Variants in TMEM201 observed in about 807,000 individuals in gnomAD.
TMEM201 encodes the protein transmembrane protein 201, also known as RP13-15M17.2.
A neutral mutation model predicts 63.4 loss-of-function variants in TMEM201; 26 were observed. That is an observed-to-expected ratio of 0.41 (90% CI 0.30 to 0.57). The LOEUF (loss-of-function observed/expected upper bound fraction) is 0.57, where lower values mean the gene tolerates loss of function less well. Ranked by LOEUF, TMEM201 falls within the 20% of genes least tolerant of loss-of-function variation. The pLI, the probability that TMEM201 is intolerant of heterozygous loss-of-function variation, is 0.29. For missense variants in TMEM201, 794 were observed against 917.7 expected, an observed-to-expected ratio of 0.87 and a Z score of 1.74; for synonymous variants, 417 against 421.6, an observed-to-expected ratio of 0.99 and a Z score of 0.14.
chr1:9,610,799 G>GCCCTGGGTA lies in TMEM201; in HGVS notation c.1761_1765+4dup. The stretch of plus-strand genomic sequence containing the variant: ...GCCGCCCCTGCAGGACGTGAAGCAC[G>GCCCTGGGTA]CCCTGGGTACGGCCTTCTGACCACC... On this transcript the variant is annotated inframe_insertion, in exon 9 of 11. Coordinates refer to ENST00000340381, the MANE Select transcript of TMEM201 (RefSeq NM_001130924.3). The surrounding 1 kb of genome is among the most constrained non-coding windows in gnomAD (Gnocchi z 4.9). 6.5e-7 allele frequency: 1 copy of GCCCTGGGTA among 1,540,270 alleles called. No individual in the cohort carries two copies. The highest frequency in any genetic ancestry group is 8.8e-7 in the Non-Finnish European group (1 of 1,139,904).
At chr1:9,599,545 G>A (rs907117320) in intron 4 of TMEM201, among the ~76,000 whole-genome samples, 1 of 152,154 alleles carries the variant, frequency 6.6e-6, no homozygotes, top group East Asian at 1.9e-4. Context: ...CTGAGCCACC[G>A]CACCCGGCCT....
chr1:9,602,892 A>G lies in TMEM201; in HGVS notation c.1160+620A>G, dbSNP rs530076041. On this transcript the variant is annotated intron_variant, in intron 6 of 10. Coordinates refer to ENST00000340381, the MANE Select transcript of TMEM201 (RefSeq NM_001130924.3). ...GGAGCCGTGAAGGAGGCCGAGCTGC[A>G]GCTCTGGCTGCTGCTTGGCCTCCTG... 19 of 985,572 alleles carry G rather than the reference A, an allele frequency of 1.9e-5. No homozygotes were observed. The Admixed American group carries it at 4.3e-4, about 22-fold the overall frequency. The allele number at this position is 985,572 out of a possible 1,614,324, so 61.1% of individuals were successfully genotyped here. A position where few individuals can be genotyped will look rare whatever the true frequency, so the allele number is the denominator to read the frequency against.
At chr1:9,598,107 T>G (rs1203346798) in intron 3 of TMEM201, among the ~76,000 whole-genome samples, 4 of 152,160 alleles carry the variant, frequency 2.6e-5, no homozygotes, top group African/African-American at 9.7e-5. Flanking sequence ...CGCAGCCACC[T>G]TCCCCCATGT....
rs200379760 is a variant in TMEM201, at chr1:9,610,939, C to CAGGCG, written c.1765+134_1765+135insAGGCG. The CAGGCG allele has an allele frequency of 2.3e-3, 3,459 of 1,501,746 alleles. 73 individuals are homozygous for CAGGCG. In the African/African-American group the frequency reaches 0.041, roughly 18 times the overall value. 93.0% of individuals were successfully genotyped at this position (1,501,746 alleles called of 1,614,324 possible). A position where few individuals can be genotyped will look rare whatever the true frequency, so the allele number is the denominator to read the frequency against. ...CTTCCCACCCTGGAGCTCTAGGCAC[C>CAGGCG]CCATTCCGGCTCTGGTGACTTGAAC... On this transcript the variant is annotated intron_variant, in intron 9 of 10. Coordinates refer to ENST00000340381, the MANE Select transcript of TMEM201 (RefSeq NM_001130924.3). This position sits in a 1 kb window ranked among gnomAD's most constrained non-coding sequence, Gnocchi z 4.9.
intron 1 of TMEM201, among the ~76,000 whole-genome samples, chr1:9,592,724 G>A (rs977726862): frequency 4.6e-5 from 7 of 152,352 alleles, no homozygotes; most frequent in African/African-American, 1.7e-4. Flanking sequence ...TTGGGCTTGT[G>A]GACGGGGCAG....
At position 9,598,470 on chromosome 1, in the gene TMEM201, G is replaced by A. The variant is rs1458626626; in HGVS notation, c.451G>A (p.Glu151Lys). ...ACAGGGCAGGTATGACGAGGAGGTC[G>A]AGGTGTACCGGCATCACCTGGAGCA... is the stretch of plus-strand genomic sequence containing the variant. The part of the protein sequence containing the change: ...REEGRYDEEV[E>K]VYRHHLEQMY... The change falls in exon 4 of 11, where the codon GAG (glutamate) becomes AAG (lysine). Residue 151 changes from glutamate to lysine, a missense_variant. Glu to Lys is a moderately conservative substitution (Grantham distance 56, BLOSUM62 1). Coordinates refer to ENST00000340381, the MANE Select transcript of TMEM201 (RefSeq NM_001130924.3). 9.3e-6 allele frequency: 15 copies of A among 1,613,434 alleles called. No homozygotes were observed. The highest frequency in any genetic ancestry group is 1.7e-5 in the Admixed American group (1 of 59,994).
At chr1:9,595,607 G>A (rs12137736) in intron 1 of TMEM201, among the ~76,000 whole-genome samples, 7,818 of 152,178 alleles carry the variant, frequency 0.051, 297 homozygotes, top group African/African-American at 0.097. Context: ...ATCTGCTGAG[G>A]CTCCAGCTGG....
chr1:9,610,778 C>A lies in TMEM201; in HGVS notation c.1738C>A (p.Pro580Thr), dbSNP rs1415553590. 4.5e-6 allele frequency: 7 copies of A among 1,545,498 alleles called. No homozygotes were observed. The highest frequency in any genetic ancestry group is 6.1e-6 in the Non-Finnish European group (7 of 1,143,222). The stretch of plus-strand genomic sequence containing the variant: ...GCCGCCCCATGTTCCCCGGAAGCCG[C>A]CCCTGCAGGACGTGAAGCACGCCCT... The part of the protein sequence containing the change: ...MEPPHVPRKP[P>T]LQDVKHALDL... Residue 580 changes from proline to threonine, a missense_variant, in exon 9 of 11, where the codon CCC (proline) becomes ACC (threonine). Transcript: ENST00000340381. The surrounding 1 kb of genome is among the most constrained non-coding windows in gnomAD (Gnocchi z 4.9).
rs1644364418 is a variant in TMEM201 at position 9,614,488 on chromosome 1, C to G, written c.*1405C>G. 1 of 152,174 alleles carries G rather than the reference C, an allele frequency of 6.6e-6. No homozygotes were observed. Among genetic ancestry groups the G allele is most frequent in the Admixed American group, 6.6e-5 (1 of 15,260 alleles). 9.4% of individuals were successfully genotyped at this position (152,174 alleles called of 1,614,324 possible). The stretch of plus-strand genomic sequence containing the variant: ...CTGTGGATGCCGCCTCCTGCCCTGC[C>G]TACCCCTGAAACGTGGGGAATGGGG... On this transcript the variant is annotated 3_prime_UTR_variant, in exon 11 of 11. Transcript: ENST00000340381.
In TMEM201 at chr1:9,604,397, G is replaced by T. The variant is rs1644205363; in HGVS notation, c.1160+2125G>T. Reference sequence around the variant, plus strand: ...ATTCCTGCCTTTCGTAGAGTTTTGTGTGACTTTTTAAATTATTCATGTGTC... The same window carrying T: ...ATTCCTGCCTTTCGTAGAGTTTTGTTTGACTTTTTAAATTATTCATGTGTC... On this transcript the variant is annotated intron_variant, in intron 6 of 10. Transcript: ENST00000340381. The surrounding 1 kb of genome is among the most constrained non-coding windows in gnomAD (Gnocchi z 4.1). 1.0e-6 allele frequency: 1 copy of T among 985,418 alleles called. No homozygotes were observed. Among genetic ancestry groups the T allele is most frequent in the African/African-American group, 1.7e-5 (1 of 57,350 alleles). 61.0% of individuals were successfully genotyped at this position (985,418 alleles called of 1,614,324 possible). A position where few individuals can be genotyped will look rare whatever the true frequency, so the allele number is the denominator to read the frequency against.
chr1:9,595,985 G>A lies in TMEM201; in HGVS notation c.209G>A (p.Cys70Tyr). ...GNRNCWDCPH[C>Y]EQYNGFQENG... ...CGCAACTGCTGGGACTGTCCCCACT[G>A]CGAGCAGTACAACGGCTTCCAGGAG... The change falls in exon 2 of 11, where the codon TGC (cysteine) becomes TAC (tyrosine). Residue 70 changes from cysteine to tyrosine, a missense_variant. Physicochemically the swap from Cys to Tyr is radical, Grantham distance 194. Transcript: ENST00000340381. 6.2e-7 allele frequency: 1 copy of A among 1,613,268 alleles called. No individual in the cohort carries two copies.
chr1:9,608,459 G>A lies in TMEM201; in HGVS notation c.1393+670G>A, dbSNP rs1046384333. 3.3e-5 allele frequency among the ~76,000 whole-genome samples: 5 copies of A among 152,168 alleles called. No individual in the cohort carries two copies. The highest frequency in any genetic ancestry group is 6.5e-5 in the Admixed American group (1 of 15,286). On this transcript the variant is annotated intron_variant, in intron 7 of 10. Coordinates refer to ENST00000340381, the MANE Select transcript of TMEM201 (RefSeq NM_001130924.3). This position sits in a 1 kb window ranked among gnomAD's most constrained non-coding sequence, Gnocchi z 4.3. ...TAACAGCCAAGGCCCCTCTCCTCTC[G>A]TGCAGTTACAGGGCAGGCCATTTTG...
rs1418329358 is a variant in TMEM201 at position 9,610,712 on chromosome 1, G to A, written c.1672G>A (p.Asp558Asn). Residue 558 changes from aspartate (D) to asparagine (N), a missense_variant, in exon 9 of 11, where the codon GAT becomes AAT. Coordinates refer to ENST00000340381, the MANE Select transcript of TMEM201 (RefSeq NM_001130924.3). The surrounding 1 kb of genome is among the most constrained non-coding windows in gnomAD (Gnocchi z 4.9). The stretch of plus-strand genomic sequence containing the variant: ...GGCCCCCACCACGCCCAGCAGCTCC[G>A]ATGAGCACTCGCCTCACAACGGCAG... ...GEAPTTPSSS[D>N]EHSPHNGSLF... The A allele has an allele frequency of 9.7e-6, 15 of 1,550,374 alleles. No homozygotes were observed. The highest frequency in any genetic ancestry group is 4.9e-5 in the East Asian group (2 of 40,936).
Position 9,611,060 on chromosome 1 carries a change from T to TCAC in TMEM201, c.1765+256_1765+258dup. 3 of 1,517,992 alleles carry TCAC rather than the reference T, an allele frequency of 2.0e-6. No individual in the cohort carries two copies. In the East Asian group the frequency reaches 7.6e-5, roughly 38 times the overall value. The allele number at this position is 1,517,992 out of a possible 1,614,324, so 94.0% of individuals were successfully genotyped here. ...TTTCTTGGAACTGATCGAAAACACATCACGCATTGCCAGGTGCGTGTGGCC... is the reference window on the plus strand; with the variant it reads ...TTTCTTGGAACTGATCGAAAACACATCACCACGCATTGCCAGGTGCGTGTGGCC... On this transcript the variant is annotated intron_variant, in intron 9 of 10. Coordinates refer to ENST00000340381, the MANE Select transcript of TMEM201 (RefSeq NM_001130924.3).
In TMEM201 at chr1:9,601,276, C is replaced by T. The variant is rs1644135410; in HGVS notation, c.778C>T (p.Pro260Ser). 1 of 1,610,788 alleles carries T rather than the reference C, an allele frequency of 6.2e-7. No homozygotes were observed. The highest frequency in any genetic ancestry group is 8.5e-7 in the Non-Finnish European group (1 of 1,179,838). ...ACCTGGTGGCAATGGCTCAGCCACACCTGACAATGGCACCACCCCTGGGGC... is the reference window on the plus strand; with the variant it reads ...ACCTGGTGGCAATGGCTCAGCCACATCTGACAATGGCACCACCCCTGGGGC... ...LPPGGNGSAT[P>S]DNGTTPGAEG... The change falls in exon 5 of 11, where the codon CCT becomes TCT. Residue 260 changes from proline to serine, a missense_variant. By Grantham distance (74) the Pro-to-Ser change is moderately conservative. Coordinates refer to ENST00000340381, the MANE Select transcript of TMEM201 (RefSeq NM_001130924.3).
rs984749654 is a variant in TMEM201, at chr1:9,604,932, T to C, written c.1161-2625T>C. 2.0e-6 allele frequency: 2 copies of C among 985,832 alleles called. No homozygotes were observed. The highest frequency in any genetic ancestry group is 1.2e-6 in the Non-Finnish European group (1 of 829,984). 61.1% of individuals were successfully genotyped at this position (985,832 alleles called of 1,614,324 possible). A position where few individuals can be genotyped will look rare whatever the true frequency, so the allele number is the denominator to read the frequency against. On this transcript the variant is annotated intron_variant, in intron 6 of 10. Transcript: ENST00000340381. This position sits in a 1 kb window ranked among gnomAD's most constrained non-coding sequence, Gnocchi z 4.1. ...GGATGCTGTGTTTTCAATAAATGCC[T>C]CTGGGGCCCTGCTTTTACCCGCTGG...
At position 9,588,951 on chromosome 1, in the gene TMEM201, G is replaced by A; in HGVS notation, c.21G>A (p.Leu7=). 7.8e-7 allele frequency: 1 copy of A among 1,277,100 alleles called. No individual in the cohort carries two copies. Among genetic ancestry groups the A allele is most frequent in the Non-Finnish European group, 1.0e-6 (1 of 993,322 alleles). 79.1% of individuals were successfully genotyped at this position (1,277,100 alleles called of 1,614,324 possible). Reference sequence around the variant, plus strand: ...GAGCCATGGAGGGAGTGAGCGCGCTGCTGGCCCGCTGCCCCACGGCCGGCC... The same window carrying A: ...GAGCCATGGAGGGAGTGAGCGCGCTACTGGCCCGCTGCCCCACGGCCGGCC... The part of the protein sequence containing the change: MEGVSA[L]LARCPTAGLA... Residue 7 remains leucine (L), a synonymous_variant, in exon 1 of 11, where the codon CTG becomes CTA. Transcript: ENST00000340381.
Position 9,593,810 on chromosome 1 carries a change from C to G in TMEM201, c.114-2080C>G, listed in dbSNP as rs1191165161. 3.3e-5 allele frequency among the ~76,000 whole-genome samples: 5 copies of G among 152,332 alleles called. No homozygotes were observed. In the South Asian group the frequency reaches 8.3e-4, roughly 25 times the overall value. ...CCTGTCACCCAAAGTCAGTTGGGTG[C>G]AGAGCCTTGTCCGGCTCAGGGGTGG... On this transcript the variant is annotated intron_variant, in intron 1 of 10. Transcript: ENST00000340381.
chr1:9,596,134 T>A, intron 2 of TMEM201, 124 bp downstream of exon 2: 1 of 1,264,242 alleles, frequency 7.9e-7, no homozygotes, highest in South Asian at 1.4e-5. Context: ...CCTCATACCC[T>A]GTCCTCTCCA....
Sources: allele counts gnomAD v4.1 joint callset (sites outside exome capture counted in the v4.1 genomes callset), GRCh38; gene constraint gnomAD v4.1.1; non-coding constraint Gnocchi (gnomAD v3.1); transcripts MANE v1.5; gene names NCBI Gene and HGNC (gene_info 2026-07-23, HGNC 2026-07-21).